The following UBE2G1 variants were observed in gnomAD, a reference collection of about 807,000 sequenced individuals.
UBE2G1 encodes the protein ubiquitin conjugating enzyme E2 G1, also known as ubiquitin-conjugating enzyme E2 G1.
UBE2G1 carries 5 observed loss-of-function variants against 22.7 expected under a neutral mutation model. That is an observed-to-expected ratio of 0.22 (90% CI 0.12 to 0.46). The LOEUF is 0.46. Among genes scored for constraint, UBE2G1 ranks in the 20% least tolerant of loss-of-function variants. The probability of loss-of-function intolerance (pLI) is 0.99; values close to 1 mark genes in which losing one functional copy is unlikely to be tolerated. For synonymous variants in UBE2G1, 74 were observed against 67.5 expected (o/e 1.10, Z -0.47); for missense variants, 88 against 203.9 (o/e 0.43, Z 3.46).
At chr17:4,304,817 G>A (rs1312529463) in intron 2 of UBE2G1, among the ~76,000 whole-genome samples, 1 of 152,086 alleles carries the variant, frequency 6.6e-6, no homozygotes, top group African/African-American at 2.4e-5. Context: ...TTCACAGGCA[G>A]TTATTTAAAC....
intron 1 of UBE2G1, among the ~76,000 whole-genome samples, chr17:4,356,789 T>C (rs1969910744): frequency 6.6e-6 from 1 of 152,238 alleles, no homozygotes; most frequent in African/African-American, 2.4e-5. Context: ...TCCTTGAACA[T>C]GTTAATAGAG....
At chr17:4,283,961 G>A (rs573818604) in intron 4 of UBE2G1, among the ~76,000 whole-genome samples, 1 of 152,104 alleles carries the variant, frequency 6.6e-6, no homozygotes, top group African/African-American at 2.4e-5. Flanking sequence ...TTCAAGACCA[G>A]CCTGGCCAAC....
intron 3 of UBE2G1, among the ~76,000 whole-genome samples, chr17:4,290,217 A>T (rs1180640986): frequency 6.6e-6 from 1 of 152,248 alleles, no homozygotes; most frequent in Non-Finnish European, 1.5e-5. Context: ...TTTTTTAAAA[A>T]TCATACTTTG....
chr17:4,353,857 A>C (rs1969875330), intron 1 of UBE2G1, among the ~76,000 whole-genome samples: 1 of 127,678 alleles, frequency 7.8e-6, no homozygotes, highest in African/African-American at 3.2e-5. Flanking sequence ...TCACTCAGTC[A>C]CCCAGGCTGG....
chr17:4,323,094 A>G (rs1214187002), intron 1 of UBE2G1, among the ~76,000 whole-genome samples: 2 of 152,374 alleles, frequency 1.3e-5, no homozygotes, highest in South Asian at 4.1e-4. Context: ...AATGAATTGC[A>G]GAAAACTATT....
chr17:4,317,015 G>A (rs560692823), intron 1 of UBE2G1, among the ~76,000 whole-genome samples: 6 of 151,906 alleles, frequency 3.9e-5, no homozygotes, highest in East Asian at 1.9e-4. Context: ...GAGGCAGGAG[G>A]ATCGCTTGAA....
At chr17:4,336,522 A>G (rs1283305403) in intron 1 of UBE2G1, among the ~76,000 whole-genome samples, 2 of 152,128 alleles carry the variant, frequency 1.3e-5, no homozygotes, top group African/African-American at 2.4e-5. Context: ...TTCATAATAT[A>G]TAGTTACAAC....
chr17:4,325,675 A>C (rs913562095), intron 1 of UBE2G1, among the ~76,000 whole-genome samples: 10 of 152,230 alleles, frequency 6.6e-5, no homozygotes, highest in African/African-American at 1.9e-4. Flanking sequence ...CTTGAAAACA[A>C]GAACAAAGTT....
chr17:4,292,591 C>T (rs1001750963), intron 3 of UBE2G1, among the ~76,000 whole-genome samples: 4 of 152,200 alleles, frequency 2.6e-5, no homozygotes, highest in African/African-American at 4.8e-5. Flanking sequence ...CCTGAAGTCA[C>T]CCCTCTGGGC....
At position 4,348,181 on chromosome 17, in the gene UBE2G1, C is replaced by T. The variant is rs189605582; in HGVS notation, c.46+18090G>A. Among the ~76,000 whole-genome samples the T allele has an allele frequency of 1.4e-3, 208 of 152,144 alleles. 1 individual carries two copies. Among genetic ancestry groups the T allele is most frequent in the Middle Eastern group, 0.01 (3 of 294 alleles). On this transcript the variant is annotated intron_variant, in intron 1 of 5. Transcript: ENST00000396981. ...GCTGAGGCAGGAGGATCACCTAAGC[C>T]CAGGAGGCTGAGGCTGCAGTGAGCT...
chr17:4,316,881 A>G (rs1394075494), intron 1 of UBE2G1, among the ~76,000 whole-genome samples: 1 of 150,076 alleles, frequency 6.7e-6, no homozygotes, highest in Non-Finnish European at 1.5e-5. Flanking sequence ...TTGAGGCTGC[A>G]GTAACCTAAG....
chr17:4,305,383 A>G (rs922116203), intron 2 of UBE2G1, among the ~76,000 whole-genome samples: 2 of 152,130 alleles, frequency 1.3e-5, no homozygotes, highest in African/African-American at 2.4e-5. Context: ...CTCTTTCCTG[A>G]GCAAAGGCTA....
chr17:4,316,407 C>T (rs1406365614), intron 1 of UBE2G1, among the ~76,000 whole-genome samples: 1 of 151,948 alleles, frequency 6.6e-6, no homozygotes, highest in South Asian at 2.1e-4. Context: ...TAATTTTGAC[C>T]TTATTATCAG....
chr17:4,301,738 G>T, intron 2 of UBE2G1: 1 of 653,066 alleles, frequency 1.5e-6, no homozygotes. Context: ...GATTGGTGGG[G>T]AGTGCTCAGC....
intron 1 of UBE2G1, among the ~76,000 whole-genome samples, chr17:4,323,928 A>G: frequency 6.6e-6 from 1 of 152,164 alleles, no homozygotes; most frequent in East Asian, 1.9e-4. Flanking sequence ...TTTCATTTGC[A>G]ACCCTTAATG....
chr17:4,309,087 C>G (rs1249711322), intron 1 of UBE2G1, among the ~76,000 whole-genome samples: 1 of 152,124 alleles, frequency 6.6e-6, no homozygotes, highest in Non-Finnish European at 1.5e-5. Context: ...TGGTGAAACC[C>G]TGTCTTTAGT....
chr17:4,354,943 A>T (rs1439100114), intron 1 of UBE2G1, among the ~76,000 whole-genome samples: 1 of 151,960 alleles, frequency 6.6e-6, no homozygotes, highest in Non-Finnish European at 1.5e-5. Flanking sequence ...TCAAAAGGAA[A>T]AATTAGCCAG....
At chr17:4,363,808 C>G (rs1435972187) in intron 1 of UBE2G1, among the ~76,000 whole-genome samples, 2 of 151,536 alleles carry the variant, frequency 1.3e-5, no homozygotes, top group Non-Finnish European at 2.9e-5. Context: ...AAAAATTAGC[C>G]GGGCGTGGTG....
intron 1 of UBE2G1, among the ~76,000 whole-genome samples, chr17:4,348,060 G>A (rs1412780101): frequency 2.0e-5 from 3 of 152,114 alleles, no homozygotes; most frequent in Admixed American, 6.6e-5. Flanking sequence ...TAAATCAAAC[G>A]CTAGAAACGA....
Sources: allele counts gnomAD v4.1 joint callset (sites outside exome capture counted in the v4.1 genomes callset), GRCh38; gene constraint gnomAD v4.1.1; transcripts MANE v1.5; gene names NCBI Gene and HGNC (gene_info 2026-07-23, HGNC 2026-07-21).